Variants in INO80 observed in about 807,000 individuals in gnomAD.
INO80 encodes chromatin-remodeling ATPase INO80.
A neutral mutation model predicts 203.4 loss-of-function variants in INO80; 20 were observed. The ratio of observed to expected loss-of-function variants is 0.10; its 90% confidence interval spans 0.07 to 0.14. The LOEUF is 0.14. Among genes scored for constraint, INO80 ranks in the 10% least tolerant of loss-of-function variants. INO80 has a pLI of 1.00. For missense variants in INO80, 1,419 were observed against 1,914.4 expected, an observed-to-expected ratio of 0.74 and a Z score of 4.83; for synonymous variants, 726 against 685.2, an observed-to-expected ratio of 1.06 and a Z score of -0.93.
intron 1 of INO80, among the ~76,000 whole-genome samples, chr15:41,114,135 C>T (rs2045994225): frequency 6.6e-6 from 1 of 151,782 alleles, no homozygotes; most frequent in Non-Finnish European, 1.5e-5. Flanking sequence ...GGTGTGGTGG[C>T]GGGCGCCTGT....
intron 29 of INO80, among the ~76,000 whole-genome samples, chr15:40,989,223 C>A (rs1413054597): frequency 6.6e-6 from 1 of 152,160 alleles, no homozygotes; most frequent in African/African-American, 2.4e-5. Context: ...CATGGCTTTC[C>A]CTAGAATTCT....
chr15:41,035,502 G>A (rs894900630), intron 24 of INO80, among the ~76,000 whole-genome samples: 12 of 151,436 alleles, frequency 7.9e-5, no homozygotes, highest in Non-Finnish European at 1.6e-4. Flanking sequence ...CTCTTGCCTG[G>A]GTGACAAAGC....
chr15:41,033,746 G>A (rs1241504339), intron 24 of INO80, among the ~76,000 whole-genome samples: 1 of 152,132 alleles, frequency 6.6e-6, no homozygotes, highest in Non-Finnish European at 1.5e-5. Flanking sequence ...TCAATTAAGA[G>A]ATTTTTTAAA....
At chr15:41,068,698 A>G (rs2045262426) in intron 14 of INO80, among the ~76,000 whole-genome samples, 1 of 151,782 alleles carries the variant, frequency 6.6e-6, no homozygotes, top group Non-Finnish European at 1.5e-5. Context: ...TCTCTATTAA[A>G]AATACAAAAC....
chr15:41,024,234 T>C (rs1253056187), intron 25 of INO80, among the ~76,000 whole-genome samples: 2 of 152,190 alleles, frequency 1.3e-5, no homozygotes, highest in East Asian at 3.8e-4. Context: ...AGGATCAAGA[T>C]ATTAATATAT....
intron 24 of INO80, among the ~76,000 whole-genome samples, chr15:41,040,004 G>A (rs1433842134): frequency 3.9e-5 from 6 of 152,034 alleles, no homozygotes; most frequent in Non-Finnish European, 7.4e-5. Flanking sequence ...AAACATTTGG[G>A]GACTACTGAC....
intron 9 of INO80, among the ~76,000 whole-genome samples, chr15:41,074,772 T>C (rs2045377877): frequency 6.6e-6 from 1 of 152,054 alleles, no homozygotes. Context: ...TCAGACAGAG[T>C]CTCAGCTGGT....
chr15:41,067,921 T>C (rs536680286), intron 14 of INO80, among the ~76,000 whole-genome samples: 1 of 152,348 alleles, frequency 6.6e-6, no homozygotes, highest in Middle Eastern at 3.4e-3. Context: ...TCCTATTCAT[T>C]CTTTCTTAAA....
chr15:41,028,104 T>C (rs1326059979), intron 24 of INO80, among the ~76,000 whole-genome samples: 4 of 152,156 alleles, frequency 2.6e-5, no homozygotes, highest in African/African-American at 4.8e-5. Flanking sequence ...ATGTCTTGTG[T>C]TGAAAACAAT....
chr15:41,111,520 A>G (rs1021940411), intron 1 of INO80, among the ~76,000 whole-genome samples: 23 of 152,118 alleles, frequency 1.5e-4, no homozygotes, highest in Admixed American at 3.3e-4. Context: ...GAAGTTTCAA[A>G]AACAGGCCAC....
At chr15:41,083,161 T>C (rs1226813624) in intron 7 of INO80, among the ~76,000 whole-genome samples, 1 of 150,548 alleles carries the variant, frequency 6.6e-6, no homozygotes, top group Non-Finnish European at 1.5e-5. Context: ...GGCGGGTGCC[T>C]GTAGTCCCAG....
chr15:41,054,097 C>T, intron 18 of INO80, 83 bp from the exon 19 acceptor site: 1 of 1,068,936 alleles, frequency 9.4e-7, no homozygotes, highest in South Asian at 1.4e-5. Context: ...TCACCTCTCA[C>T]CAAACTCTTC....
intron 12 of INO80, 107 bp from the exon 13 acceptor site, chr15:41,070,654 G>A: frequency 9.0e-6 from 8 of 887,412 alleles, no homozygotes; most frequent in Non-Finnish European, 1.5e-5. Flanking sequence ...AAAGAGAAGT[G>A]ACCAGAGATA....
At chr15:41,036,620 A>G (rs1477769521) in intron 24 of INO80, among the ~76,000 whole-genome samples, 1 of 152,196 alleles carries the variant, frequency 6.6e-6, no homozygotes, top group East Asian at 1.9e-4. Flanking sequence ...ACCATGTTCC[A>G]AAGATTAGTA....
intron 14 of INO80, among the ~76,000 whole-genome samples, chr15:41,066,831 G>GAAAAAAAAAAAAGA (rs1566935870): frequency 2.3e-5 from 2 of 85,728 alleles, no homozygotes; most frequent in Non-Finnish European, 2.3e-5. Flanking sequence ...ATGTCTCTAA[G>GAAAAAAAAAAAAGA]AAAAAAAAAA....
At chr15:41,069,403 C>T in intron 14 of INO80, 167 bp downstream of exon 14, 1 of 472,748 alleles carries the variant, frequency 2.1e-6, no homozygotes, top group Non-Finnish European at 3.7e-6. Flanking sequence ...ACTTCCTGAC[C>T]TCGTGATCCA....
At chr15:41,073,319 A>G in intron 11 of INO80, 109 bp downstream of exon 11, 1 of 923,004 alleles carries the variant, frequency 1.1e-6, no homozygotes, top group East Asian at 2.4e-5. Context: ...AAGCTAGTCT[A>G]TGCTTTTAAT....
chr15:41,075,775 T>C (rs1309215506), intron 9 of INO80, among the ~76,000 whole-genome samples: 2 of 151,862 alleles, frequency 1.3e-5, no homozygotes, highest in African/African-American at 4.8e-5. Context: ...ATTTTTTTAG[T>C]AGAGACGGGT....
chr15:41,050,753 A>G (rs972967780), intron 19 of INO80, among the ~76,000 whole-genome samples: 6 of 152,302 alleles, frequency 3.9e-5, no homozygotes, highest in African/African-American at 1.4e-4. Context: ...CATATAGCTT[A>G]TAAAGGAATT....
Sources: gnomAD v4.1 joint callset for allele counts (sites outside exome capture counted in the v4.1 genomes callset) on GRCh38, gnomAD v4.1.1 for gene constraint, MANE v1.5 for transcripts, NCBI Gene and HGNC (gene_info 2026-07-23, HGNC 2026-07-21) for gene names.